Variants in SLC24A3 observed in about 807,000 individuals in gnomAD.
SLC24A3 encodes solute carrier family 24 member 3, also known as sodium/potassium/calcium exchanger 3.
A neutral mutation model predicts 75.8 loss-of-function variants in SLC24A3; 28 were observed. The observed-to-expected ratio is 0.37, with a 90% CI of 0.27 to 0.51. The LOEUF (loss-of-function observed/expected upper bound fraction) is 0.51, where lower values mean the gene tolerates loss of function less well. Among genes scored for constraint, SLC24A3 ranks in the 20% least tolerant of loss-of-function variants. The pLI is 0.94. For synonymous variants in SLC24A3, 372 were observed against 334.1 expected (o/e 1.11, Z -1.24); for missense variants, 663 against 847.8 (o/e 0.78, Z 2.71).
At chr20:19,598,687 C>CAA (rs893858431) in intron 6 of SLC24A3, among the ~76,000 whole-genome samples, 1 of 152,054 alleles carries the variant, frequency 6.6e-6, no homozygotes, top group African/African-American at 2.4e-5. Flanking sequence ...CTGGGGGACT[C>CAA]AAGGCGTGGG....
chr20:19,500,290 C>T (rs1360021655), intron 2 of SLC24A3, among the ~76,000 whole-genome samples: 2 of 152,178 alleles, frequency 1.3e-5, no homozygotes, highest in Admixed American at 1.3e-4. Context: ...TGTGGATACT[C>T]GGCCGCCACC....
At chr20:19,703,889 G>C (rs571735682) in intron 15 of SLC24A3, among the ~76,000 whole-genome samples, 22 of 152,282 alleles carry the variant, frequency 1.4e-4, no homozygotes, top group Non-Finnish European at 2.9e-4. Flanking sequence ...CCCCAACCAA[G>C]GGCTTCTTTC....
At chr20:19,231,252 C>T (rs1248751646) in intron 1 of SLC24A3, among the ~76,000 whole-genome samples, 2 of 152,200 alleles carry the variant, frequency 1.3e-5, no homozygotes, top group Non-Finnish European at 1.5e-5. Context: ...CAAGGAGCTA[C>T]CCCAGTGTGG....
chr20:19,663,304 C>A (rs551125108), intron 7 of SLC24A3, among the ~76,000 whole-genome samples: 2 of 150,390 alleles, frequency 1.3e-5, no homozygotes, highest in Non-Finnish European at 3.0e-5. Context: ...TGAGTCCTCT[C>A]ATTCCTCCAC....
intron 2 of SLC24A3, among the ~76,000 whole-genome samples, chr20:19,504,551 C>T (rs181585447): frequency 6.6e-6 from 1 of 152,312 alleles, no homozygotes; most frequent in East Asian, 1.9e-4. Flanking sequence ...CAGGAATGGG[C>T]ATTCCTTGTA....
At chr20:19,346,854 AAAAAG>A (rs140222282) in intron 2 of SLC24A3, among the ~76,000 whole-genome samples, 16,138 of 152,050 alleles carry the variant, frequency 0.11, 2,272 homozygotes, top group African/African-American at 0.33. Flanking sequence ...AAAGTAATAA[AAAAAG>A]AAAAGAAGAG....
At chr20:19,537,991 G>A (rs921164424) in intron 3 of SLC24A3, among the ~76,000 whole-genome samples, 8 of 151,654 alleles carry the variant, frequency 5.3e-5, no homozygotes, top group South Asian at 2.1e-4. Context: ...ACAAACCTGC[G>A]CATTGTGCAC....
In SLC24A3 at chr20:19,529,552, G is replaced by A. The variant is rs56391226; in HGVS notation, c.348+13988G>A. The stretch of plus-strand genomic sequence containing the variant: ...TGCCCATGGCAAGAGCTCACTGATG[G>A]ATCTCACCTTCACATCCATATTCCA... On this transcript the variant is annotated intron_variant, in intron 3 of 16. Transcript: ENST00000328041. 5.2e-3 allele frequency among the ~76,000 whole-genome samples: 787 copies of A among 152,238 alleles called. 6 individuals are homozygous for A. The highest frequency in any genetic ancestry group is 9.1e-3 in the Non-Finnish European group (617 of 68,016).
chr20:19,327,991 A>AG (rs1360977923), intron 2 of SLC24A3, among the ~76,000 whole-genome samples: 1 of 152,072 alleles, frequency 6.6e-6, no homozygotes, highest in African/African-American at 2.4e-5. Context: ...CAGAAAAAAA[A>AG]TGAACAAGGT....
rs367702076 is a variant in SLC24A3, at chr20:19,425,806, T to G, written c.272-89682T>G. On this transcript the variant is annotated intron_variant, in intron 2 of 16. Transcript: ENST00000328041. ...TTTTTATTCAATGCATTATAATTCATTAGTGTCATTCCTTATGCATGTTGG... is the reference window on the plus strand; with the variant it reads ...TTTTTATTCAATGCATTATAATTCAGTAGTGTCATTCCTTATGCATGTTGG... Among the ~76,000 whole-genome samples the G allele has an allele frequency of 4.6e-5, 7 of 152,246 alleles. No individual in the cohort carries two copies. The East Asian group carries it at 1.3e-3, about 29-fold the overall frequency.
chr20:19,338,443 G>A (rs758629421), intron 2 of SLC24A3, among the ~76,000 whole-genome samples: 1 of 152,142 alleles, frequency 6.6e-6, no homozygotes, highest in Non-Finnish European at 1.5e-5. Context: ...TCAGACGTGT[G>A]GAACTCCCTG....
chr20:19,681,099 T>C (rs930388885), intron 9 of SLC24A3, among the ~76,000 whole-genome samples: 2 of 152,214 alleles, frequency 1.3e-5, no homozygotes, highest in Non-Finnish European at 2.9e-5. Context: ...AATCTTCTCA[T>C]ACTAAAGCTA....
At chr20:19,301,802 G>A (rs1272310668) in intron 2 of SLC24A3, among the ~76,000 whole-genome samples, 1 of 152,014 alleles carries the variant, frequency 6.6e-6, no homozygotes, top group African/African-American at 2.4e-5. Context: ...CTCCTCTTCA[G>A]CTCTTAAAAA....
chr20:19,424,175 A>G (rs890177784), intron 2 of SLC24A3, among the ~76,000 whole-genome samples: 2 of 152,100 alleles, frequency 1.3e-5, no homozygotes, highest in Non-Finnish European at 1.5e-5. Flanking sequence ...ACCCAAGACA[A>G]TTTCCTGGGT....
chr20:19,655,019 C>A (rs2032250039), intron 7 of SLC24A3, among the ~76,000 whole-genome samples: 1 of 152,126 alleles, frequency 6.6e-6, no homozygotes, highest in Non-Finnish European at 1.5e-5. Flanking sequence ...CTATCGTAGC[C>A]ACAGACTGGG....
chr20:19,700,183 A>C (rs909805067), intron 15 of SLC24A3, among the ~76,000 whole-genome samples: 2 of 151,942 alleles, frequency 1.3e-5, no homozygotes. Flanking sequence ...ATTACCAAAA[A>C]CCCCAAAATT....
At chr20:19,514,865 A>G (rs2029953070) in intron 2 of SLC24A3, among the ~76,000 whole-genome samples, 1 of 152,120 alleles carries the variant, frequency 6.6e-6, no homozygotes, top group Non-Finnish European at 1.5e-5. Context: ...GAGCAGAGGG[A>G]GGGAGCAGGG....
intron 2 of SLC24A3, among the ~76,000 whole-genome samples, chr20:19,430,173 C>T (rs1987075968): frequency 6.6e-6 from 1 of 152,174 alleles, no homozygotes; most frequent in South Asian, 2.1e-4. Flanking sequence ...GGGTAAAGGC[C>T]ACCTTTAGGG....
chr20:19,219,176 G>T (rs1981641733), intron 1 of SLC24A3, among the ~76,000 whole-genome samples: 2 of 152,124 alleles, frequency 1.3e-5, no homozygotes, highest in African/African-American at 4.8e-5. Flanking sequence ...GATTCCCCCT[G>T]CTGTTCTCTT....
Sources: gnomAD v4.1 joint callset for allele counts (sites outside exome capture counted in the v4.1 genomes callset) on GRCh38, gnomAD v4.1.1 for gene constraint, MANE v1.5 for transcripts, NCBI Gene and HGNC (gene_info 2026-07-23, HGNC 2026-07-21) for gene names.